The following MALRD1 variants were observed in gnomAD, a reference collection of about 807,000 sequenced individuals.
MALRD1 encodes the protein MAM and LDL-receptor class A domain-containing protein 1.
A neutral mutation model predicts 242.1 loss-of-function variants in MALRD1; 247 were observed. The observed-to-expected ratio is 1.02, with a 90% CI of 0.92 to 1.13. The LOEUF is 1.13. Among genes scored for constraint, MALRD1 ranks in the 50% most tolerant of loss-of-function variants. The probability of loss-of-function intolerance (pLI) is 0.00; values close to 1 mark genes in which losing one functional copy is unlikely to be tolerated. For missense variants in MALRD1, 2,989 were observed against 2,533.1 expected, an observed-to-expected ratio of 1.18 and a Z score of -3.86; for synonymous variants, 995 against 866.6, an observed-to-expected ratio of 1.15 and a Z score of -2.60.
At chr10:19,495,349 A>G (rs1412275336) in intron 30 of MALRD1, among the ~76,000 whole-genome samples, 1 of 152,018 alleles carries the variant, frequency 6.6e-6, no homozygotes, top group Non-Finnish European at 1.5e-5. Context: ...AGGACAGGTC[A>G]CCTACAAAGG....
intron 11 of MALRD1, among the ~76,000 whole-genome samples, 183 bp from the exon 12 acceptor site, chr10:19,154,892 G>C (rs4466729): frequency 6.6e-6 from 1 of 151,928 alleles, no homozygotes; most frequent in East Asian, 1.9e-4. Context: ...GTTATTTTAG[G>C]TATTTAATGT....
chr10:19,378,830 A>G (rs573337718), intron 26 of MALRD1, among the ~76,000 whole-genome samples: 1 of 152,248 alleles, frequency 6.6e-6, no homozygotes, highest in East Asian at 1.9e-4. Flanking sequence ...CATAAAATAC[A>G]CGTGAGAGTG....
Position 19,306,441 on chromosome 10 carries a change from G to A in MALRD1, c.3420-17508G>A, listed in dbSNP as rs189991812. Among the ~76,000 whole-genome samples the A allele has an allele frequency of 2.9e-3, 387 of 132,316 alleles. 23 individuals are homozygous for A. Among genetic ancestry groups the A allele is most frequent in the Middle Eastern group, 9.8e-3 (2 of 204 alleles). The allele number at this position is 132,316 out of a possible 152,430, so 86.8% of individuals were successfully genotyped here. A position where few individuals can be genotyped will look rare whatever the true frequency, so the allele number is the denominator to read the frequency against. On this transcript the variant is annotated intron_variant, in intron 21 of 39. Coordinates refer to ENST00000454679, the MANE Select transcript of MALRD1 (RefSeq NM_001142308.3). ...GTATATATAGTGTCGTATATGTACCGTGTATAGTATATATAGTGTCGTATA... is the reference window on the plus strand; with the variant it reads ...GTATATATAGTGTCGTATATGTACCATGTATAGTATATATAGTGTCGTATA...
intron 7 of MALRD1, among the ~76,000 whole-genome samples, chr10:19,126,539 A>T (rs1353764670): frequency 1.3e-5 from 2 of 151,970 alleles, no homozygotes; most frequent in African/African-American, 4.8e-5. Flanking sequence ...TTAAGTGTAT[A>T]CTTGCTAATA....
At chr10:19,306,261 GTATATATAC>G (rs1431896900) in intron 21 of MALRD1, among the ~76,000 whole-genome samples, 1 of 131,654 alleles carries the variant, frequency 7.6e-6, no homozygotes, top group African/African-American at 2.8e-5. Flanking sequence ...CTATAGTATA[GTATATATAC>G]TATATATACC....
chr10:19,697,748 C>A (rs1263455078), intron 38 of MALRD1, among the ~76,000 whole-genome samples: 1 of 152,144 alleles, frequency 6.6e-6, no homozygotes, highest in Non-Finnish European at 1.5e-5. Flanking sequence ...CTATTTCTCT[C>A]ATTTTCTTTA....
At chr10:19,190,400 T>A (rs960438857) in intron 14 of MALRD1, among the ~76,000 whole-genome samples, 1 of 152,130 alleles carries the variant, frequency 6.6e-6, no homozygotes, top group Admixed American at 6.5e-5. Flanking sequence ...AGATTCGATA[T>A]AATCCCTGTT....
At chr10:19,583,928 C>G (rs1299431002) in intron 33 of MALRD1, among the ~76,000 whole-genome samples, 1 of 152,132 alleles carries the variant, frequency 6.6e-6, no homozygotes, top group Non-Finnish European at 1.5e-5. Flanking sequence ...TTCAGAGATT[C>G]AACTTCTTCC....
chr10:19,238,515 ATATT>A (rs1169319524), intron 18 of MALRD1, among the ~76,000 whole-genome samples: 1 of 82,224 alleles, frequency 1.2e-5, no homozygotes, highest in African/African-American at 5.6e-5. Context: ...TATATAATGT[ATATT>A]ATATATAATA....
intron 32 of MALRD1, among the ~76,000 whole-genome samples, chr10:19,537,309 A>C (rs7076844): frequency 1.3e-5 from 2 of 152,024 alleles, no homozygotes; most frequent in Non-Finnish European, 2.9e-5. Flanking sequence ...ATGAAACTTG[A>C]TATCTTAGTT....
intron 19 of MALRD1, 63 bp downstream of exon 19, chr10:19,257,834 G>T: frequency 9.0e-7 from 1 of 1,111,058 alleles, no homozygotes. Context: ...AACTTGCAAG[G>T]AAATCAATAT....
chr10:19,530,974 A>G (rs74118989), intron 31 of MALRD1, among the ~76,000 whole-genome samples: 142 of 152,314 alleles, frequency 9.3e-4, no homozygotes, highest in African/African-American at 3.4e-3. Context: ...TTTATTAGTC[A>G]CTGGCTCAAG....
chr10:19,536,574 T>C (rs1368965915), intron 32 of MALRD1, among the ~76,000 whole-genome samples: 1 of 152,052 alleles, frequency 6.6e-6, no homozygotes, highest in Non-Finnish European at 1.5e-5. Flanking sequence ...TATATTAAAC[T>C]TCCTTTATTT....
chr10:19,237,600 T>TTATAATTATAATTATATAATTA (rs1312763516), intron 18 of MALRD1, among the ~76,000 whole-genome samples: 1 of 5,656 alleles, frequency 1.8e-4, no homozygotes, highest in Non-Finnish European at 3.3e-4. Flanking sequence ...AATTATATAA[T>TTATAATTATAATTATATAATTA]TATAATTATA....
rs369138368 is a variant in MALRD1, at chr10:19,128,241, G to C, written c.964G>C (p.Ala322Pro). 4.1e-5 allele frequency: 51 copies of C among 1,233,422 alleles called. No individual in the cohort carries two copies. The East Asian group carries it at 1.2e-3, about 28-fold the overall frequency. 76.4% of individuals were successfully genotyped at this position (1,233,422 alleles called of 1,614,324 possible). Residue 322 changes from alanine (A) to proline (P), a missense_variant, in exon 8 of 40, where the codon GCT (alanine) becomes CCT (proline). Ala to Pro is a conservative substitution (Grantham distance 27). Coordinates refer to ENST00000454679, the MANE Select transcript of MALRD1 (RefSeq NM_001142308.3). ...DDEGYYVWVG[A>P]KHGFTLNHLD... ...TTCAGGTTATTATGTATGGGTAGGC[G>C]CTAAGCATGGTTTCACTCTTAACCA... is the stretch of plus-strand genomic sequence containing the variant.
chr10:19,617,052 A>G (rs543545505), intron 36 of MALRD1, among the ~76,000 whole-genome samples: 19 of 152,190 alleles, frequency 1.2e-4, no homozygotes, highest in African/African-American at 3.8e-4. Context: ...CAAAAAGTTT[A>G]TTAAATATCA....
chr10:19,168,393 C>G (rs1205849176), intron 13 of MALRD1, among the ~76,000 whole-genome samples: 2 of 152,114 alleles, frequency 1.3e-5, no homozygotes, highest in African/African-American at 4.8e-5. Flanking sequence ...TAGAATGAAA[C>G]TCACCAAGAA....
At chr10:19,502,938 T>A (rs1490234763) in intron 31 of MALRD1, among the ~76,000 whole-genome samples, 1 of 149,358 alleles carries the variant, frequency 6.7e-6, no homozygotes, top group Non-Finnish European at 1.5e-5. Context: ...ATTAAGAGTA[T>A]TAATTTTTCT....
chr10:19,327,765 C>G, intron 23 of MALRD1, 92 bp downstream of exon 23: 4 of 1,048,718 alleles, frequency 3.8e-6, no homozygotes, highest in Non-Finnish European at 5.6e-6. Flanking sequence ...CTTCTTGCCC[C>G]CATTCCCTTT....
Sources: allele counts gnomAD v4.1 joint callset (sites outside exome capture counted in the v4.1 genomes callset), GRCh38; gene constraint gnomAD v4.1.1; transcripts MANE v1.5; gene names NCBI Gene and HGNC (gene_info 2026-07-23, HGNC 2026-07-21).